DIAPH3: variants seen among roughly 807,000 people sequenced by gnomAD.
DIAPH3 encodes protein diaphanous homolog 3.
Under a neutral mutation model 144.3 loss-of-function variants are expected in DIAPH3, and 117 were observed. That is an observed-to-expected ratio of 0.81 (90% CI 0.70 to 0.95). The LOEUF (loss-of-function observed/expected upper bound fraction) is 0.95, where lower values mean the gene tolerates loss of function less well. DIAPH3 is among the 40% of genes least tolerant of loss of function. The probability of loss-of-function intolerance (pLI) is 0.00; values close to 1 mark genes in which losing one functional copy is unlikely to be tolerated. For synonymous variants in DIAPH3, 519 were observed against 488.9 expected, an observed-to-expected ratio of 1.06 and a Z score of -0.81; for missense variants, 1,421 against 1,412.7, an observed-to-expected ratio of 1.01 and a Z score of -0.09.
chr13:59,668,528 C>T (rs962464702), intron 27 of DIAPH3, among the ~76,000 whole-genome samples: 5 of 152,060 alleles, frequency 3.3e-5, no homozygotes, highest in East Asian at 1.9e-4. Flanking sequence ...TGCGTGTGTG[C>T]GCGTGTCCAT....
At chr13:59,873,635 G>A (rs143851757) in intron 21 of DIAPH3, among the ~76,000 whole-genome samples, 134 of 151,200 alleles carry the variant, frequency 8.9e-4, no homozygotes, top group African/African-American at 3.0e-3. Flanking sequence ...CTTGGCATGA[G>A]AGGAAAAGCA....
intron 27 of DIAPH3, among the ~76,000 whole-genome samples, chr13:59,725,460 A>G (rs2035562404): frequency 6.6e-6 from 1 of 152,192 alleles, no homozygotes; most frequent in South Asian, 2.1e-4. Context: ...TATCTCAATG[A>G]TTATAGTACA....
At position 59,771,109 on chromosome 13, in the gene DIAPH3, C is replaced by T. The variant is rs7988027; in HGVS notation, c.3319+3080G>A. On this transcript the variant is annotated intron_variant, in intron 27 of 27. Transcript: ENST00000400324. ...ACATATAGGGACATTTTAGCCCCAA[C>T]GTCCAGGAGGATACTTTACCAGAAT... Among the ~76,000 whole-genome samples the T allele has an allele frequency of 2.6e-3, 402 of 152,120 alleles. 1 individual carries two copies. The highest frequency in any genetic ancestry group is 8.4e-3 in the African/African-American group (347 of 41,520).
intron 5 of DIAPH3, among the ~76,000 whole-genome samples, chr13:60,037,166 C>T (rs1276669497): frequency 6.6e-6 from 1 of 151,458 alleles, no homozygotes; most frequent in Non-Finnish European, 1.5e-5. Flanking sequence ...TGTGGGTCAA[C>T]CTGATTAAAT....
At chr13:59,741,588 C>G (rs957530502) in intron 27 of DIAPH3, among the ~76,000 whole-genome samples, 2 of 149,648 alleles carry the variant, frequency 1.3e-5, no homozygotes, top group Non-Finnish European at 3.0e-5. Context: ...GATCCTGTTT[C>G]AAAAAATAAA....
chr13:59,889,851 C>T (rs910597883), intron 20 of DIAPH3, among the ~76,000 whole-genome samples: 7 of 151,804 alleles, frequency 4.6e-5, no homozygotes, highest in African/African-American at 1.7e-4. Flanking sequence ...TTTCTTAGAC[C>T]CTCTAACTTA....
rs1401069704 is a variant in DIAPH3 at position 59,826,466 on chromosome 13, G to A, written c.3027+6641C>T. On this transcript the variant is annotated intron_variant, in intron 24 of 27. Transcript: ENST00000400324. The stretch of plus-strand genomic sequence containing the variant: ...AGAGAATAAAATGCCTAGGAATCCA[G>A]CTTACAAGGGATGTGAAGGACCTCT... Among the ~76,000 whole-genome samples, 6 of 150,730 alleles carry A rather than the reference G, an allele frequency of 4.0e-5. No homozygotes were observed. The South Asian group carries it at 6.4e-4, about 16-fold the overall frequency.
chr13:59,872,227 AGCACT>A lies in DIAPH3; in HGVS notation c.2607+6997_2607+7001del, dbSNP rs1396507407. ...ACTTGATGCTATAAATTTCCCTGTG[AGCACT>A]GCTTTTATTGCATCGAACAAAACTT... On this transcript the variant is annotated intron_variant, in intron 21 of 27. Coordinates refer to ENST00000400324, the MANE Select transcript of DIAPH3 (RefSeq NM_001042517.2). 7.2e-5 allele frequency among the ~76,000 whole-genome samples: 11 copies of A among 152,288 alleles called. No homozygotes were observed. In the East Asian group the frequency reaches 2.1e-3, roughly 29 times the overall value.
intron 25 of DIAPH3, among the ~76,000 whole-genome samples, chr13:59,809,250 C>A (rs1012057838): frequency 2.0e-5 from 3 of 152,104 alleles, no homozygotes; most frequent in Non-Finnish European, 2.9e-5. Flanking sequence ...GCCTGTAATC[C>A]CAGCACTTTG....
At chr13:59,913,394 C>A (rs1406790467) in intron 19 of DIAPH3, among the ~76,000 whole-genome samples, 1 of 152,076 alleles carries the variant, frequency 6.6e-6, no homozygotes, top group Non-Finnish European at 1.5e-5. Flanking sequence ...GCCCAGCTTC[C>A]CTCACAGCCC....
intron 27 of DIAPH3, among the ~76,000 whole-genome samples, chr13:59,761,343 C>T (rs1229193768): frequency 7.9e-5 from 12 of 152,094 alleles, no homozygotes; most frequent in Non-Finnish European, 1.5e-5. Context: ...GAATTTCATC[C>T]TACCCTCTTG....
At chr13:59,669,744 C>T (rs2032247038) in intron 27 of DIAPH3, among the ~76,000 whole-genome samples, 2 of 152,094 alleles carry the variant, frequency 1.3e-5, no homozygotes, top group South Asian at 2.1e-4. Context: ...CTCTGTTTGT[C>T]TCCACATCCT....
chr13:60,083,536 T>C (rs1469332977), intron 4 of DIAPH3, among the ~76,000 whole-genome samples: 2 of 151,882 alleles, frequency 1.3e-5, no homozygotes, highest in Admixed American at 6.6e-5. Flanking sequence ...ATACAGAGGA[T>C]AGGAAAACAC....
At chr13:59,797,493 G>C (rs2039675722) in intron 25 of DIAPH3, among the ~76,000 whole-genome samples, 1 of 152,108 alleles carries the variant, frequency 6.6e-6, no homozygotes, top group Non-Finnish European at 1.5e-5. Context: ...GGTCACAAAA[G>C]CAAATCACAC....
chr13:59,940,277 A>C (rs1190276882), intron 17 of DIAPH3, among the ~76,000 whole-genome samples: 1 of 152,194 alleles, frequency 6.6e-6, no homozygotes, highest in Non-Finnish European at 1.5e-5. Context: ...TTGGGCAGAG[A>C]AGAATTAACA....
intron 22 of DIAPH3, among the ~76,000 whole-genome samples, chr13:59,843,635 T>C (rs993927684): frequency 6.6e-6 from 1 of 152,236 alleles, no homozygotes; most frequent in Non-Finnish European, 1.5e-5. Context: ...GAGGCTACTC[T>C]ACAGATGCAA....
chr13:60,091,618 A>G (rs1025152274), intron 4 of DIAPH3, among the ~76,000 whole-genome samples: 23 of 152,130 alleles, frequency 1.5e-4, no homozygotes, highest in African/African-American at 5.6e-4. Flanking sequence ...ACAACTAAAA[A>G]AAAGCCTTAG....
At position 59,879,330 on chromosome 13, in the gene DIAPH3, A is replaced by G. The variant is rs1195967463; in HGVS notation, c.2506T>C (p.Phe836Leu). ...AATACAAGTTCCAGCAACTTGCTAA[A>G]GCTTTTGCTCTTCTTTATCTCTTCG... ...ACEEIKKSKS[F>L]SKLLELVLLM... The change falls in exon 21 of 28, where the codon TTT becomes CTT. Residue 836 changes from phenylalanine to leucine, a missense_variant. Physicochemically the swap from Phe to Leu is conservative, Grantham distance 22 (BLOSUM62 0). Transcript: ENST00000400324. 1.2e-6 allele frequency: 2 copies of G among 1,613,870 alleles called. No individual in the cohort carries two copies. Among genetic ancestry groups the G allele is most frequent in the Non-Finnish European group, 1.7e-6 (2 of 1,179,854 alleles).
At chr13:59,847,710 A>C (rs2042726554) in intron 22 of DIAPH3, among the ~76,000 whole-genome samples, 1 of 152,168 alleles carries the variant, frequency 6.6e-6, no homozygotes, top group Non-Finnish European at 1.5e-5. Flanking sequence ...ACTTTGTCAC[A>C]GGGGAAATGT....
Sources: gnomAD v4.1 joint callset for allele counts (sites outside exome capture counted in the v4.1 genomes callset) on GRCh38, gnomAD v4.1.1 for gene constraint, MANE v1.5 for transcripts, NCBI Gene and HGNC (gene_info 2026-07-23, HGNC 2026-07-21) for gene names.